Variants in COBL observed in about 807,000 individuals in gnomAD.
The protein encoded by COBL is protein cordon-bleu.
In COBL, 51 loss-of-function variants were observed where a neutral mutation model predicts 98.8. That is an observed-to-expected ratio of 0.52 (90% CI 0.41 to 0.65). The LOEUF is 0.65. COBL is among the 30% of genes least tolerant of loss of function. COBL has a pLI of 0.00. For synonymous variants in COBL, 634 were observed against 651.7 expected, an observed-to-expected ratio of 0.97 and a Z score of 0.41; for missense variants, 1,617 against 1,617.5, an observed-to-expected ratio of 1.00 and a Z score of 0.01.
chr7:51,115,721 T>C (rs567095606), intron 6 of COBL, among the ~76,000 whole-genome samples: 2 of 152,206 alleles, frequency 1.3e-5, no homozygotes, highest in African/African-American at 2.4e-5. Flanking sequence ...TCTATAAATA[T>C]CATTTATATG....
In COBL at chr7:51,017,334, C is replaced by T. The variant is rs755852107; in HGVS notation, c.*217G>A. ...CAACTTAAGATATTCAGAGGCAAAACACATTTCCTTGGCACACGAGCTGCG... is the reference window on the plus strand; with the variant it reads ...CAACTTAAGATATTCAGAGGCAAAATACATTTCCTTGGCACACGAGCTGCG... On this transcript the variant is annotated 3_prime_UTR_variant, in exon 13 of 13. Coordinates refer to ENST00000265136, the MANE Select transcript of COBL (RefSeq NM_015198.5). 5.0e-6 allele frequency: 3 copies of T among 604,952 alleles called. No homozygotes were observed. The highest frequency in any genetic ancestry group is 8.9e-6 in the Non-Finnish European group (3 of 338,474). The allele number at this position is 604,952 out of a possible 1,614,324, so 37.5% of individuals were successfully genotyped here.
chr7:51,044,895 A>G (rs1413174306), intron 7 of COBL, among the ~76,000 whole-genome samples: 1 of 152,270 alleles, frequency 6.6e-6, no homozygotes, highest in Admixed American at 6.5e-5. Flanking sequence ...TCCAAACAAT[A>G]AAACAAATGA....
chr7:51,117,598 T>C (rs1402530684), intron 6 of COBL, among the ~76,000 whole-genome samples: 1 of 152,200 alleles, frequency 6.6e-6, no homozygotes, highest in Admixed American at 6.5e-5. Flanking sequence ...CTTTTTTTCA[T>C]TCATTATGAG....
intron 1 of COBL, among the ~76,000 whole-genome samples, chr7:51,224,351 C>G (rs1290621749): frequency 7.0e-6 from 1 of 142,340 alleles, no homozygotes; most frequent in African/African-American, 2.6e-5. Context: ...TTATAAAAGC[C>G]TGAGATAGGA....
chr7:51,230,257 T>C lies in COBL; in HGVS notation c.42-10313A>G, dbSNP rs780164503. 9.8e-5 allele frequency among the ~76,000 whole-genome samples: 15 copies of C among 152,330 alleles called. No homozygotes were observed. The Middle Eastern group carries it at 0.01, about 104-fold the overall frequency. Reference sequence around the variant, plus strand: ...GAGACTGTACCAGTCTGCTGGTTTCTAGGCCTAACAACACCCAATGAAGAG... The same window carrying C: ...GAGACTGTACCAGTCTGCTGGTTTCCAGGCCTAACAACACCCAATGAAGAG... On this transcript the variant is annotated intron_variant, in intron 1 of 12. Coordinates refer to ENST00000265136, the MANE Select transcript of COBL (RefSeq NM_015198.5).
intron 6 of COBL, among the ~76,000 whole-genome samples, chr7:51,091,862 T>C (rs1794839552): frequency 6.6e-6 from 1 of 151,926 alleles, no homozygotes; most frequent in Non-Finnish European, 1.5e-5. Context: ...CAGAAGAGGG[T>C]GGAATGACAT....
chr7:51,053,320 C>A (rs1457975159), intron 7 of COBL, among the ~76,000 whole-genome samples: 1 of 152,150 alleles, frequency 6.6e-6, no homozygotes, highest in African/African-American at 2.4e-5. Flanking sequence ...TCAGACCATC[C>A]TCTTGCCTGA....
intron 7 of COBL, among the ~76,000 whole-genome samples, chr7:51,079,617 A>G (rs1793427332): frequency 1.3e-5 from 2 of 152,184 alleles, no homozygotes; most frequent in African/African-American, 4.8e-5. Flanking sequence ...CAGTGGGAGG[A>G]ATTCCCACTG....
rs1203838349 is a variant in COBL, at chr7:51,175,358, T to C, written c.783+8744A>G. Among the ~76,000 whole-genome samples the C allele has an allele frequency of 8.5e-5, 13 of 152,324 alleles. No individual in the cohort carries two copies. The East Asian group carries it at 2.5e-3, about 29-fold the overall frequency. On this transcript the variant is annotated intron_variant, in intron 5 of 12. Transcript: ENST00000265136. Reference sequence around the variant, plus strand: ...AACGTGAGTTCTCTCACCCCCATATTAAGAGATTTGAGAATTTTTTTAGAG... The same window carrying C: ...AACGTGAGTTCTCTCACCCCCATATCAAGAGATTTGAGAATTTTTTTAGAG...
At position 51,026,535 on chromosome 7, in the gene COBL, T is replaced by TC; in HGVS notation, c.3504+10dup. ...AGCTCCTGGCGCCATGGAAGGCCCT[T>TC]CACCTCTTACCTTCCTCAGGCTGCA... is the stretch of plus-strand genomic sequence containing the variant. On this transcript the variant is annotated intron_variant, in intron 11 of 12. Coordinates refer to ENST00000265136, the MANE Select transcript of COBL (RefSeq NM_015198.5). The TC allele has an allele frequency of 6.2e-7, 1 of 1,613,466 alleles. No individual in the cohort carries two copies. The highest frequency in any genetic ancestry group is 2.2e-5 in the East Asian group (1 of 44,864).
chr7:51,252,346 A>G (rs866491029), intron 1 of COBL, among the ~76,000 whole-genome samples: 9 of 152,150 alleles, frequency 5.9e-5, no homozygotes, highest in Middle Eastern at 3.4e-3. Context: ...GAAATCCCAA[A>G]CCCATTAGCA....
intron 1 of COBL, among the ~76,000 whole-genome samples, chr7:51,281,326 T>C (rs1422898477): frequency 6.6e-6 from 1 of 152,174 alleles, no homozygotes; most frequent in Non-Finnish European, 1.5e-5. Flanking sequence ...CTAATTTTCA[T>C]GTCAATGGGA....
At chr7:51,127,489 C>T (rs1013147299) in intron 6 of COBL, among the ~76,000 whole-genome samples, 4 of 152,168 alleles carry the variant, frequency 2.6e-5, no homozygotes, top group Non-Finnish European at 4.4e-5. Flanking sequence ...GGTTCCTGTA[C>T]AGAAGTCACT....
chr7:51,303,160 CT>C (rs1193025513), intron 1 of COBL, among the ~76,000 whole-genome samples: 1 of 152,208 alleles, frequency 6.6e-6, no homozygotes, highest in Non-Finnish European at 1.5e-5. Context: ...CAGATTTATG[CT>C]TTTACATTCG....
At chr7:51,282,887 A>C (rs959979051) in intron 1 of COBL, among the ~76,000 whole-genome samples, 31 of 152,308 alleles carry the variant, frequency 2.0e-4, no homozygotes, top group African/African-American at 7.2e-4. Context: ...ACCGGAAATC[A>C]GTAACAAAGA....
chr7:51,156,674 G>A, intron 5 of COBL: 2 of 670,820 alleles, frequency 3.0e-6, no homozygotes, highest in Non-Finnish European at 3.6e-6. Flanking sequence ...CATTTCCAAT[G>A]TACAGTCAAT....
At chr7:51,086,308 G>A (rs1033352727) in intron 6 of COBL, among the ~76,000 whole-genome samples, 1 of 139,924 alleles carries the variant, frequency 7.1e-6, no homozygotes, top group Admixed American at 7.6e-5. Flanking sequence ...AGTGAGCCGA[G>A]ATCACGCCAC....
At chr7:51,247,568 G>A (rs73120463) in intron 1 of COBL, among the ~76,000 whole-genome samples, 2 of 152,270 alleles carry the variant, frequency 1.3e-5, no homozygotes, top group East Asian at 1.9e-4. Context: ...TAGGGACAAG[G>A]TGACTATGGA....
At chr7:51,273,252 C>A (rs944326026) in intron 1 of COBL, among the ~76,000 whole-genome samples, 1 of 149,696 alleles carries the variant, frequency 6.7e-6, no homozygotes, top group African/African-American at 2.5e-5. Flanking sequence ...TCGCTTGAAC[C>A]TGGAGGCAGA....
Sources: allele counts gnomAD v4.1 joint callset (sites outside exome capture counted in the v4.1 genomes callset), GRCh38; gene constraint gnomAD v4.1.1; transcripts MANE v1.5; gene names NCBI Gene and HGNC (gene_info 2026-07-23, HGNC 2026-07-21).